The following TUBGCP3 variants were observed in gnomAD, a reference collection of about 807,000 sequenced individuals.
The protein encoded by TUBGCP3 is tubulin gamma complex component 3, also known as gamma-tubulin complex component 3.
A neutral mutation model predicts 123.1 loss-of-function variants in TUBGCP3; 50 were observed. The ratio of observed to expected loss-of-function variants is 0.41; its 90% CI spans 0.32 to 0.51. The LOEUF (loss-of-function observed/expected upper bound fraction) is 0.51, where lower values mean the gene tolerates loss of function less well. Among genes scored for constraint, TUBGCP3 ranks in the 20% least tolerant of loss-of-function variants. TUBGCP3 has a pLI of 0.36. For missense variants in TUBGCP3, 882 were observed against 1,127.0 expected (o/e 0.78, Z 3.11); for synonymous variants, 405 against 413.9 (o/e 0.98, Z 0.26).
chr13:112,601,159 C>T, the TUBGCP3 span, among the ~76,000 whole-genome samples: 1 of 146,428 alleles, frequency 6.8e-6, no homozygotes, highest in Non-Finnish European at 1.5e-5. Flanking sequence ...TGCACTCTAG[C>T]CTGGGCCACA....
intron 13 of TUBGCP3, among the ~76,000 whole-genome samples, chr13:112,526,477 A>G (rs966039894): frequency 6.8e-6 from 1 of 146,170 alleles, no homozygotes; most frequent in Non-Finnish European, 1.5e-5. Context: ...TATCACTATC[A>G]TCACACCATC....
chr13:112,586,403 G>A (rs1882612182), intron 1 of TUBGCP3, among the ~76,000 whole-genome samples: 1 of 152,082 alleles, frequency 6.6e-6, no homozygotes, highest in Admixed American at 6.5e-5. Context: ...CATTAAGGTG[G>A]GTAAGTCCTA....
At chr13:112,580,434 C>T (rs1249293981) in intron 1 of TUBGCP3, among the ~76,000 whole-genome samples, 5 of 151,828 alleles carry the variant, frequency 3.3e-5, no homozygotes, top group African/African-American at 7.3e-5. Context: ...GAGTTTGCGA[C>T]CAGCCTGGAC....
chr13:112,580,704 A>G lies in TUBGCP3; in HGVS notation c.76+7201T>C, dbSNP rs924090153. On this transcript the variant is annotated intron_variant, in intron 1 of 21. Coordinates refer to ENST00000261965, the MANE Select transcript of TUBGCP3 (RefSeq NM_006322.6). The stretch of plus-strand genomic sequence containing the variant: ...AACATCAGACTTCTCATCAATAATG[A>G]AAGAATACCTTCAAAGTGGGCAGAG... Among the ~76,000 whole-genome samples the G allele has an allele frequency of 2.0e-5, 3 of 152,354 alleles. No homozygotes were observed. The East Asian group carries it at 5.8e-4, about 29-fold the overall frequency.
At chr13:112,536,801 T>C (rs929861602) in intron 11 of TUBGCP3, among the ~76,000 whole-genome samples, 22 of 151,990 alleles carry the variant, frequency 1.4e-4, no homozygotes, top group African/African-American at 5.3e-4. Flanking sequence ...TTTGGAGACA[T>C]GGTCTCACTC....
chr13:112,569,328 G>A (rs1881223699), intron 1 of TUBGCP3, 69 bp from the exon 2 acceptor site: 1 of 1,412,010 alleles, frequency 7.1e-7, no homozygotes, highest in Admixed American at 1.8e-5. Context: ...GAAGCTTCCA[G>A]TTCAAGACAG....
chr13:112,588,607 C>A (rs566784523), upstream of TUBGCP3, among the ~76,000 whole-genome samples: 70 of 152,272 alleles, frequency 4.6e-4, 1 homozygote, highest in South Asian at 0.014. Context: ...CGGGCCGGTC[C>A]CCCCCGGCCC....
upstream of TUBGCP3, among the ~76,000 whole-genome samples, chr13:112,593,152 C>T (rs1254092866): frequency 1.3e-5 from 2 of 152,182 alleles, no homozygotes; most frequent in Non-Finnish European, 2.9e-5. Flanking sequence ...GGCGCGGTAG[C>T]TCACACCTGT....
intron 20 of TUBGCP3, among the ~76,000 whole-genome samples, chr13:112,491,095 C>G (rs1438836770): frequency 2.0e-5 from 3 of 152,228 alleles, no homozygotes; most frequent in Non-Finnish European, 4.4e-5. Context: ...CCTTGGCCCC[C>G]CAAAAGGCCC....
upstream of TUBGCP3, chr13:112,588,193 G>A (rs922879313): frequency 7.3e-6 from 3 of 409,764 alleles, no homozygotes; most frequent in Non-Finnish European, 1.3e-5. Flanking sequence ...CCTGCGCCGC[G>A]GCCGCGCGTG....
intron 17 of TUBGCP3, 67 bp from the exon 18 acceptor site, chr13:112,504,781 C>G: frequency 1.6e-6 from 2 of 1,270,302 alleles, no homozygotes; most frequent in East Asian, 2.3e-5. Context: ...GCTGTTCTCC[C>G]TTACCCACCT....
At chr13:112,540,391 C>T (rs1217984619) in intron 11 of TUBGCP3, among the ~76,000 whole-genome samples, 4 of 142,890 alleles carry the variant, frequency 2.8e-5, no homozygotes, top group Admixed American at 7.1e-5. Flanking sequence ...GGAGTGATGA[C>T]GTCAATGTAG....
rs1392264110 is a variant in TUBGCP3 at position 112,488,584 on chromosome 13, C to A, written c.2565+997G>T. On this transcript the variant is annotated intron_variant, in intron 21 of 21. Transcript: ENST00000261965. ...CCTGCAGGTCCCCACAATCCCACCA[C>A]GGGGGAGCGCAGGGGCCACCCCCAG... Among the ~76,000 whole-genome samples, 8 of 152,258 alleles carry A rather than the reference C, an allele frequency of 5.3e-5. No homozygotes were observed. The South Asian group carries it at 1.7e-3, about 32-fold the overall frequency.
rs755000629 is a variant in TUBGCP3, at chr13:112,489,742, AAC to A, written c.2449-47_2449-46del. 149 of 1,520,960 alleles carry A rather than the reference AAC, an allele frequency of 9.8e-5. 1 individual carries two copies. Among genetic ancestry groups the A allele is most frequent in the Non-Finnish European group, 1.3e-4 (145 of 1,095,280 alleles). 94.2% of individuals were successfully genotyped at this position (1,520,960 alleles called of 1,614,324 possible). A position where few individuals can be genotyped will look rare whatever the true frequency, so the allele number is the denominator to read the frequency against. On this transcript the variant is annotated intron_variant, in intron 20 of 21. Coordinates refer to ENST00000261965, the MANE Select transcript of TUBGCP3 (RefSeq NM_006322.6). ...AAATGTCAGTAAAATCACGATGGAA[AAC>A]AGATTACAGAGTAGGGCTGAAAACA...
chr13:112,585,887 C>G (rs1882573065), intron 1 of TUBGCP3, among the ~76,000 whole-genome samples: 1 of 151,850 alleles, frequency 6.6e-6, no homozygotes, highest in Non-Finnish European at 1.5e-5. Context: ...TGAAAAGAAG[C>G]TTTTCAGTCT....
At chr13:112,530,750 T>C (rs1877507907) in intron 11 of TUBGCP3, among the ~76,000 whole-genome samples, 1 of 152,214 alleles carries the variant, frequency 6.6e-6, no homozygotes, top group Admixed American at 6.5e-5. Context: ...CATAAAATAA[T>C]GTTCATTATT....
chr13:112,573,010 C>T (rs1263100249), intron 1 of TUBGCP3, among the ~76,000 whole-genome samples: 3 of 151,718 alleles, frequency 2.0e-5, no homozygotes, highest in East Asian at 1.9e-4. Flanking sequence ...CAAGACCTTC[C>T]GACAACTCCA....
rs745890765 is a variant in TUBGCP3, at chr13:112,519,997, C to T, written c.1770G>A (p.Thr590=). 10 of 1,613,664 alleles carry T rather than the reference C, an allele frequency of 6.2e-6. No homozygotes were observed. The highest frequency in any genetic ancestry group is 1.6e-4 in the Middle Eastern group (1 of 6,082). ...CAGTCAAGTTATGCTGATACAAAGT[C>T]GTAGCTGGACGGACAAGTTCTGGTC... ...LLKPELVRPA[T]TLYQHNLTGI... is the part of the protein sequence containing the mutation. Residue 590 remains threonine, a synonymous_variant, in exon 15 of 22, where the codon ACG becomes ACA. Transcript: ENST00000261965. The surrounding 1 kb of genome is among the most constrained non-coding windows in gnomAD (Gnocchi z 6.2).
intron 20 of TUBGCP3, among the ~76,000 whole-genome samples, chr13:112,498,463 T>A (rs957884070): frequency 3.3e-5 from 5 of 152,234 alleles, no homozygotes; most frequent in Non-Finnish European, 4.4e-5. Context: ...CAATAAGCCA[T>A]CAGAAAGCAA....
Sources: gnomAD v4.1 joint callset for allele counts (sites outside exome capture counted in the v4.1 genomes callset) on GRCh38, gnomAD v4.1.1 for gene constraint, Gnocchi (gnomAD v3.1) non-coding constraint, MANE v1.5 for transcripts, NCBI Gene and HGNC (gene_info 2026-07-23, HGNC 2026-07-21) for gene names.